MCOLN2: variants seen among roughly 807,000 people sequenced by gnomAD.
The protein encoded by MCOLN2 is mucolipin-2.
In MCOLN2, 57 loss-of-function variants were observed where a neutral mutation model predicts 67.5. The observed-to-expected ratio is 0.84, with a 90% CI of 0.68 to 1.05. The LOEUF (loss-of-function observed/expected upper bound fraction) is 1.05. Ranked by LOEUF, MCOLN2 falls within the 50% of genes least tolerant of loss-of-function variation. The pLI is 0.00. For synonymous variants in MCOLN2, 246 were observed against 233.3 expected (o/e 1.05, Z -0.50); for missense variants, 620 against 678.8 (o/e 0.91, Z 0.96).
chr1:84,974,603 A>G, intron 1 of MCOLN2, among the ~76,000 whole-genome samples: 1 of 152,072 alleles, frequency 6.6e-6, no homozygotes. Flanking sequence ...TGCTAACTGA[A>G]GAGCCCTTGG....
chr1:84,974,425 T>C (rs1649896177), intron 1 of MCOLN2, among the ~76,000 whole-genome samples: 1 of 151,472 alleles, frequency 6.6e-6, no homozygotes, highest in Non-Finnish European at 1.5e-5. Flanking sequence ...TGGGGAGGAC[T>C]TTGTCTTGCA....
At chr1:84,985,460 G>A (rs6700622) in intron 1 of MCOLN2, among the ~76,000 whole-genome samples, 66,279 of 151,958 alleles carry the variant, frequency 0.44, 15,190 homozygotes, top group East Asian at 0.62. Flanking sequence ...CTCTCTACAT[G>A]ATGTGGGTTT....
intron 1 of MCOLN2, among the ~76,000 whole-genome samples, chr1:84,982,230 A>G (rs1484717156): frequency 6.6e-6 from 1 of 152,202 alleles, no homozygotes; most frequent in Non-Finnish European, 1.5e-5. Context: ...GTACCATAAG[A>G]TATTTGCTAA....
chr1:84,993,009 T>C (rs1650968111), intron 1 of MCOLN2, among the ~76,000 whole-genome samples: 1 of 152,270 alleles, frequency 6.6e-6, no homozygotes, highest in Non-Finnish European at 1.5e-5. Context: ...CGCTGTTTGA[T>C]TGCATTTTAC....
chr1:84,973,513 T>A (rs2102869661), intron 1 of MCOLN2, among the ~76,000 whole-genome samples: 1 of 152,266 alleles, frequency 6.6e-6, no homozygotes, highest in South Asian at 2.1e-4. Flanking sequence ...CAGGTGCCTG[T>A]GTTTCACTTA....
chr1:84,969,308 C>G (rs981705600), intron 1 of MCOLN2, among the ~76,000 whole-genome samples: 3 of 152,176 alleles, frequency 2.0e-5, no homozygotes, highest in Non-Finnish European at 4.4e-5. Context: ...CGGTGGCTCA[C>G]GCCTATAATC....
Position 84,926,568 on chromosome 1 carries a change from C to G in MCOLN2, c.*117G>C. The G allele has an allele frequency of 1.6e-6, 1 of 639,768 alleles. No homozygotes were observed. Among genetic ancestry groups the G allele is most frequent in the Non-Finnish European group, 2.6e-6 (1 of 389,500 alleles). 39.6% of individuals were successfully genotyped at this position (639,768 alleles called of 1,614,324 possible). On this transcript the variant is annotated 3_prime_UTR_variant, in exon 14 of 14. Coordinates refer to ENST00000370608, the MANE Select transcript of MCOLN2 (RefSeq NM_153259.4). ...AGCTGGCTAACTGTGAGTCCTCTTT[C>G]CCACTCCACAATTAAATAAGAGAGT...
chr1:84,952,619 A>G, intron 4 of MCOLN2, 89 bp from the exon 5 acceptor site: 1 of 837,898 alleles, frequency 1.2e-6, no homozygotes, highest in South Asian at 1.4e-5. Context: ...GAAGCAGGTT[A>G]CTTACGGAGT....
chr1:84,984,232 C>T (rs1650395154), intron 1 of MCOLN2, among the ~76,000 whole-genome samples: 1 of 152,104 alleles, frequency 6.6e-6, no homozygotes, highest in African/African-American at 2.4e-5. Flanking sequence ...CTTCATCATT[C>T]CAACTATTTT....
chr1:84,942,076 C>T (rs1647819681), intron 7 of MCOLN2, among the ~76,000 whole-genome samples: 1 of 152,220 alleles, frequency 6.6e-6, no homozygotes, highest in African/African-American at 2.4e-5. Context: ...CTGCCTGGAA[C>T]AGCACTTCTC....
At chr1:84,983,032 T>A (rs1012188488) in intron 1 of MCOLN2, among the ~76,000 whole-genome samples, 3 of 151,956 alleles carry the variant, frequency 2.0e-5, no homozygotes, top group Non-Finnish European at 4.4e-5. Context: ...TTTTTTTTTT[T>A]AATTCACAAG....
intron 11 of MCOLN2, among the ~76,000 whole-genome samples, chr1:84,935,096 A>G (rs1647347789): frequency 6.6e-6 from 1 of 152,218 alleles, no homozygotes; most frequent in Admixed American, 6.5e-5. Context: ...GGTAACCTGA[A>G]AGTCCTCTGA....
At position 84,965,391 on chromosome 1, in the gene MCOLN2, A is replaced by G. The variant is rs146442425; in HGVS notation, c.237+158T>C. Among the ~76,000 whole-genome samples, 193 of 152,334 alleles carry G rather than the reference A, an allele frequency of 1.3e-3. 1 individual carries two copies. Among genetic ancestry groups the G allele is most frequent in the African/African-American group, 4.4e-3 (182 of 41,572 alleles). ...ACTATGACAAGGTTGTCTTCTAAAC[A>G]GAACTTCAACCTAGCCTCTGCTCTC... On this transcript the variant is annotated intron_variant, in intron 2 of 13. Coordinates refer to ENST00000370608, the MANE Select transcript of MCOLN2 (RefSeq NM_153259.4).
Position 84,994,687 on chromosome 1 carries a change from G to A in MCOLN2, c.77+2109C>T, listed in dbSNP as rs544561574. 2.6e-5 allele frequency among the ~76,000 whole-genome samples: 4 copies of A among 152,120 alleles called. No homozygotes were observed. The East Asian group carries it at 7.7e-4, about 29-fold the overall frequency. On this transcript the variant is annotated intron_variant, in intron 1 of 13. Coordinates refer to ENST00000370608, the MANE Select transcript of MCOLN2 (RefSeq NM_153259.4). The stretch of plus-strand genomic sequence containing the variant: ...TTAGCTTTAGTGAATGTTGGTGCTG[G>A]TTTGATCTTCTATCCAGACCACAAA...
intron 11 of MCOLN2, among the ~76,000 whole-genome samples, chr1:84,934,262 G>GA (rs1647305670): frequency 6.6e-6 from 1 of 152,148 alleles, no homozygotes; most frequent in South Asian, 2.1e-4. Context: ...TGGTCTACAA[G>GA]AACCTAGCAA....
In MCOLN2 at chr1:84,947,077, T is replaced by A. The variant is rs749594803; in HGVS notation, c.803A>T (p.Asp268Val). 1.2e-5 allele frequency: 20 copies of A among 1,603,046 alleles called. No homozygotes were observed. Among genetic ancestry groups the A allele is most frequent in the Non-Finnish European group, 1.6e-5 (19 of 1,170,402 alleles). The change falls in exon 7 of 14, where the codon GAT becomes GTT. Residue 268 changes from aspartate to valine, a missense_variant. Transcript: ENST00000370608. ...SGKIKIYFDSDAKIEECKDLN... is the reference protein window; with the variant it reads ...SGKIKIYFDSVAKIEECKDLN... ...GTCTTTACATTCTTCAATTTTGGCA[T>A]CACTGTCAAAATAGATTTTGATTTT...
Position 84,975,121 on chromosome 1 carries a change from T to C in MCOLN2, c.78-9413A>G, listed in dbSNP as rs567381631. On this transcript the variant is annotated intron_variant, in intron 1 of 13. Coordinates refer to ENST00000370608, the MANE Select transcript of MCOLN2 (RefSeq NM_153259.4). ...AGGGTCCTGGGGGAGCTCAGCATCCTGGAGGGAAGAACACAGGCCTGGTTG... is the reference window on the plus strand; with the variant it reads ...AGGGTCCTGGGGGAGCTCAGCATCCCGGAGGGAAGAACACAGGCCTGGTTG... Among the ~76,000 whole-genome samples the C allele has an allele frequency of 7.7e-4, 117 of 152,286 alleles. 1 individual carries two copies. The highest frequency in any genetic ancestry group is 9.3e-4 in the Non-Finnish European group (63 of 68,018).
chr1:84,939,085 T>A (rs1453595767), intron 9 of MCOLN2, among the ~76,000 whole-genome samples: 1 of 151,944 alleles, frequency 6.6e-6, no homozygotes, highest in Non-Finnish European at 1.5e-5. Context: ...GACGGGAGAA[T>A]AGTGCGGTGA....
intron 12 of MCOLN2, among the ~76,000 whole-genome samples, chr1:84,930,873 C>T (rs1468230842): frequency 6.6e-6 from 1 of 152,122 alleles, no homozygotes; most frequent in African/African-American, 2.4e-5. Context: ...GATACAGAAC[C>T]CATCAGGTAG....
Sources: allele counts gnomAD v4.1 joint callset (sites outside exome capture counted in the v4.1 genomes callset), GRCh38; gene constraint gnomAD v4.1.1; transcripts MANE v1.5; gene names NCBI Gene and HGNC (gene_info 2026-07-23, HGNC 2026-07-21).